The following KDM2B variants were observed in gnomAD, a reference collection of about 807,000 sequenced individuals.
KDM2B encodes lysine-specific demethylase 2B.
In KDM2B, 26 loss-of-function variants were observed where a neutral mutation model predicts 150.0. The observed-to-expected ratio is 0.17, with a 90% CI of 0.13 to 0.24. The LOEUF is 0.24. KDM2B is among the 10% of genes least tolerant of loss of function. The pLI is 1.00. For missense variants in KDM2B, 1,265 were observed against 1,816.9 expected (o/e 0.70, Z 5.52); for synonymous variants, 734 against 729.5 (o/e 1.01, Z -0.10).
At chr12:121,547,747 A>T (rs1338453949) in intron 6 of KDM2B, among the ~76,000 whole-genome samples, 1 of 149,554 alleles carries the variant, frequency 6.7e-6, no homozygotes, top group African/African-American at 2.5e-5. Context: ...GGTTCAAGCA[A>T]TTATCCTGCC....
chr12:121,474,622 TATA>T (rs1881150220), intron 12 of KDM2B, among the ~76,000 whole-genome samples: 1 of 152,136 alleles, frequency 6.6e-6, no homozygotes, highest in Non-Finnish European at 1.5e-5. Flanking sequence ...CCCACAAGAA[TATA>T]ATACCATATT....
intron 1 of KDM2B, chr12:121,579,947 A>G (rs1555317629): frequency 2.1e-6 from 3 of 1,422,098 alleles, no homozygotes; most frequent in East Asian, 2.5e-5. Flanking sequence ...AACAACCAAA[A>G]AAAAAAAAAA....
At chr12:121,517,068 A>G (rs1244956402) in intron 9 of KDM2B, among the ~76,000 whole-genome samples, 1 of 152,102 alleles carries the variant, frequency 6.6e-6, no homozygotes, top group Non-Finnish European at 1.5e-5. Context: ...AGATAAATAT[A>G]AGAGAGATGG....
rs376797750 is a variant in KDM2B, at chr12:121,521,078, G to A, written c.954C>T (p.Thr318=). Residue 318 remains threonine (T), a synonymous_variant, in exon 9 of 23, where the codon ACC becomes ACT. Transcript: ENST00000377071. This position sits in a 1 kb window ranked among gnomAD's most constrained non-coding sequence, Gnocchi z 4.9. ...IPSGWIHAVY[T]PVDSLVFGGN... ...CGCCGAACACCAAAGAGTCTACAGG[G>A]GTGTAGACGGCATGGATCCAACCTG... 13 of 1,613,364 alleles carry A rather than the reference G, an allele frequency of 8.1e-6. No homozygotes were observed. Among genetic ancestry groups the A allele is most frequent in the Non-Finnish European group, 1.1e-5 (13 of 1,179,578 alleles).
intron 9 of KDM2B, chr12:121,516,848 A>G (rs1430529771): frequency 2.4e-5 from 16 of 667,248 alleles, no homozygotes; most frequent in African/African-American, 1.3e-4. Flanking sequence ...GAAGTGTCCT[A>G]CAATTTGTTT....
chr12:121,462,585 C>A (rs1191466529), intron 12 of KDM2B, among the ~76,000 whole-genome samples: 2 of 152,060 alleles, frequency 1.3e-5, no homozygotes, highest in African/African-American at 4.8e-5. Flanking sequence ...CCTCTGCCTC[C>A]CAGGTTCAAG....
intron 8 of KDM2B, among the ~76,000 whole-genome samples, chr12:121,522,619 G>T (rs574445428): frequency 3.3e-5 from 5 of 152,202 alleles, no homozygotes; most frequent in African/African-American, 4.8e-5. Flanking sequence ...AGACCGAGGC[G>T]GGAGGATCAC....
chr12:121,476,895 C>T (rs552561437), intron 12 of KDM2B, among the ~76,000 whole-genome samples: 59 of 152,168 alleles, frequency 3.9e-4, no homozygotes, highest in Non-Finnish European at 7.3e-4. Flanking sequence ...CAACTCCTTA[C>T]TTTGAAAATC....
chr12:121,420,353 T>C, the KDM2B span: 1 of 1,555,654 alleles, frequency 6.4e-7, no homozygotes, highest in African/African-American at 1.4e-5. Context: ...ACCTATAAAA[T>C]TTGGTTTCCC....
intron 12 of KDM2B, among the ~76,000 whole-genome samples, chr12:121,476,330 C>A (rs1182063784): frequency 6.6e-6 from 1 of 151,824 alleles, no homozygotes; most frequent in Non-Finnish European, 1.5e-5. Context: ...TGGTAGTATG[C>A]CTGTAGTCCC....
intron 6 of KDM2B, among the ~76,000 whole-genome samples, chr12:121,543,271 G>A (rs868934587): frequency 4.6e-5 from 7 of 151,930 alleles, no homozygotes; most frequent in South Asian, 2.1e-4. Flanking sequence ...CAGGAGAATC[G>A]CTTGAACCCC....
intron 4 of KDM2B, among the ~76,000 whole-genome samples, chr12:121,553,056 C>T (rs1208365592): frequency 6.6e-6 from 1 of 151,948 alleles, no homozygotes; most frequent in Non-Finnish European, 1.5e-5. Flanking sequence ...CACGGTGAAA[C>T]CCCGAGAATA....
chr12:121,478,751 G>A (rs533293123), intron 12 of KDM2B, among the ~76,000 whole-genome samples: 8 of 151,678 alleles, frequency 5.3e-5, no homozygotes, highest in African/African-American at 7.3e-5. Context: ...GCAGTGGCAC[G>A]ATCTCGGCTC....
Position 121,509,585 on chromosome 12 carries a change from T to A in KDM2B, c.1629A>T (p.Ala543=). Residue 543 remains alanine (A), a synonymous_variant, in exon 11 of 23, where the codon GCA becomes GCT. Coordinates refer to ENST00000377071, the MANE Select transcript of KDM2B (RefSeq NM_032590.5). ...TGCCCACCTTCACACCCTCCAGGAG[T>A]GCCTGGGGGTCCTCGATGCCCTCGG... is the stretch of plus-strand genomic sequence containing the variant. ...CVPEGIEDPQ[A]LLEGVKNVLK... is the part of the protein sequence containing the mutation. 1 of 1,612,410 alleles carries A rather than the reference T, an allele frequency of 6.2e-7. No individual in the cohort carries two copies. Among genetic ancestry groups the A allele is most frequent in the Non-Finnish European group, 8.5e-7 (1 of 1,179,726 alleles).
At chr12:121,416,452 T>C in the KDM2B span, 1 of 999,918 alleles carries the variant, frequency 1.0e-6, no homozygotes, top group Non-Finnish European at 1.6e-6. Context: ...TGAATAGCTA[T>C]TGAATTTTCA....
intron 4 of KDM2B, among the ~76,000 whole-genome samples, chr12:121,566,913 G>A (rs1555315076): frequency 1.3e-5 from 2 of 151,626 alleles, no homozygotes; most frequent in Non-Finnish European, 2.9e-5. Flanking sequence ...ATGGAGTCTT[G>A]TTCTGTCACC....
At chr12:121,417,393 C>G in the KDM2B span, 1 of 848,322 alleles carries the variant, frequency 1.2e-6, no homozygotes, top group Non-Finnish European at 1.8e-6. The surrounding 1 kb of genome is among the most constrained non-coding windows in gnomAD (Gnocchi z 5.0). Flanking sequence ...TCTGGTGCCA[C>G]TGGGGACTTC....
chr12:121,520,794 G>A lies in KDM2B; in HGVS notation c.1047+191C>T, dbSNP rs888391492. ...TGAACAGAAACTCCAGGGCCTCCGGGTGTGGCTCCTACAGGCATTCCCCTG... is the reference window on the plus strand; with the variant it reads ...TGAACAGAAACTCCAGGGCCTCCGGATGTGGCTCCTACAGGCATTCCCCTG... On this transcript the variant is annotated intron_variant, in intron 9 of 22. Coordinates refer to ENST00000377071, the MANE Select transcript of KDM2B (RefSeq NM_032590.5). This position sits in a 1 kb window ranked among gnomAD's most constrained non-coding sequence, Gnocchi z 4.5. Among the ~76,000 whole-genome samples, 19 of 152,192 alleles carry A rather than the reference G, an allele frequency of 1.2e-4. No individual in the cohort carries two copies. Among genetic ancestry groups the A allele is most frequent in the South Asian group, 6.2e-4 (3 of 4,826 alleles).
chr12:121,532,863 C>T lies in KDM2B; in HGVS notation c.874G>A (p.Val292Met). 6.2e-7 allele frequency: 1 copy of T among 1,614,250 alleles called. No homozygotes were observed. Among genetic ancestry groups the T allele is most frequent in the Non-Finnish European group, 8.5e-7 (1 of 1,180,042 alleles). Residue 292 changes from valine to methionine, a missense_variant, in exon 8 of 23, where the codon GTG becomes ATG. This residue lies in a region of KDM2B where 214 missense variants were observed against 447.4 expected (regional missense o/e 0.48). Coordinates refer to ENST00000377071, the MANE Select transcript of KDM2B (RefSeq NM_032590.5). ...AGCTCAATTCTTTGGCATCGTTCCA[C>T]ACGGTCTCCCAGAAAGATGTCACTC... ...KQSDIFLGDR[V>M]ERCQRIELKQ...
Sources: allele counts gnomAD v4.1 joint callset (sites outside exome capture counted in the v4.1 genomes callset), GRCh38; gene constraint gnomAD v4.1.1; regional missense constraint gnomAD v4.1.1; non-coding constraint Gnocchi (gnomAD v3.1); transcripts MANE v1.5; gene names NCBI Gene and HGNC (gene_info 2026-07-23, HGNC 2026-07-21).